The following NCBP3 variants were observed in gnomAD, a reference collection of about 807,000 sequenced individuals.
NCBP3 encodes the protein nuclear cap-binding protein subunit 3.
Under a neutral mutation model 75.7 loss-of-function variants are expected in NCBP3, and 20 were observed. That is an observed-to-expected ratio of 0.26 (90% CI 0.19 to 0.38). NCBP3 has a LOEUF of 0.38. Among genes scored for constraint, NCBP3 ranks in the 10% least tolerant of loss-of-function variants. The probability of loss-of-function intolerance (pLI) is 1.00; values close to 1 mark genes in which losing one functional copy is unlikely to be tolerated. For missense variants in NCBP3, 678 were observed against 796.9 expected (o/e 0.85, Z 1.80); for synonymous variants, 293 against 290.5 (o/e 1.01, Z -0.09).
chr17:3,842,297 C>T (rs1469349528), intron 2 of NCBP3, among the ~76,000 whole-genome samples: 11 of 152,006 alleles, frequency 7.2e-5, no homozygotes, highest in Admixed American at 2.0e-4. Flanking sequence ...TGGTGGCGGG[C>T]GCCTGTAGTC....
intron 4 of NCBP3, among the ~76,000 whole-genome samples, chr17:3,828,242 G>C (rs888990849): frequency 6.6e-6 from 1 of 152,168 alleles, no homozygotes; most frequent in Non-Finnish European, 1.5e-5. Flanking sequence ...TGTAAATAAA[G>C]TTCTACTGGA....
chr17:3,840,294 G>A, intron 2 of NCBP3, 89 bp from the exon 3 acceptor site: 1 of 1,049,754 alleles, frequency 9.5e-7, no homozygotes, highest in Admixed American at 2.1e-5. Context: ...TGACAAACCT[G>A]AACTAAAAAA....
intron 3 of NCBP3, among the ~76,000 whole-genome samples, chr17:3,832,089 C>G (rs2053887540): frequency 1.8e-5 from 2 of 113,150 alleles, no homozygotes; most frequent in African/African-American, 5.3e-5. Flanking sequence ...GAGGCTGAGG[C>G]AGGATAATCA....
At chr17:3,824,841 T>G in intron 7 of NCBP3, 101 bp downstream of exon 7, 3 of 596,452 alleles carry the variant, frequency 5.0e-6, no homozygotes, top group South Asian at 2.6e-5. Flanking sequence ...AAGGGAACTT[T>G]GAGATTACTT....
chr17:3,815,331 T>C (rs2053509747), intron 11 of NCBP3, among the ~76,000 whole-genome samples: 1 of 152,250 alleles, frequency 6.6e-6, no homozygotes, highest in Admixed American at 6.5e-5. Context: ...TGCTACTTTC[T>C]CTAAGAAGTC....
rs113117025 is a variant in NCBP3, at chr17:3,803,802, G to A, written c.*9242C>T. ...TAAAAAATGGGCAGGTGGGCCAGGC[G>A]CGGTGGCTCACGCCTGTAATCCCAG... On this transcript the variant is annotated 3_prime_UTR_variant, in exon 13 of 13. Coordinates refer to ENST00000389005, the MANE Select transcript of NCBP3 (RefSeq NM_001114118.3). 16,728 of 152,256 alleles carry A rather than the reference G, an allele frequency of 0.11. 1,008 individuals carry two copies. Among genetic ancestry groups the A allele is most frequent in the South Asian group, 0.14 (687 of 4,826 alleles). The allele number at this position is 152,256 out of a possible 1,614,324, so 9.4% of individuals were successfully genotyped here.
intron 4 of NCBP3, among the ~76,000 whole-genome samples, chr17:3,826,649 AAAAT>A (rs1461007249): frequency 1.3e-5 from 2 of 151,208 alleles, no homozygotes; most frequent in Non-Finnish European, 2.9e-5. Context: ...TGAAAAGTTA[AAAAT>A]AAATAAAAAA....
At chr17:3,815,002 G>A (rs2053502756) in intron 11 of NCBP3, among the ~76,000 whole-genome samples, 2 of 152,194 alleles carry the variant, frequency 1.3e-5, no homozygotes, top group South Asian at 4.1e-4. Context: ...CACATTCGTT[G>A]GTGAGGCCCT....
Position 3,814,458 on chromosome 17 carries a change from T to C in NCBP3, c.1491A>G (p.Arg497=), listed in dbSNP as rs2053490004. 2.5e-6 allele frequency: 4 copies of C among 1,614,190 alleles called. No homozygotes were observed. Among genetic ancestry groups the C allele is most frequent in the South Asian group, 1.1e-5 (1 of 91,082 alleles). The change falls in exon 12 of 13, where the codon AGA becomes AGG. Residue 497 remains arginine (R), a synonymous_variant. Transcript: ENST00000389005. ...KSDIRQRLGK[R]PHSPEKAFSS... is the part of the protein sequence containing the mutation. The stretch of plus-strand genomic sequence containing the variant: ...TAAAAGCCTTTTCCGGAGAATGTGG[T>C]CTTTTTCCTAACCGCTGGCGTATAT...
chr17:3,814,210 T>G, intron 12 of NCBP3, 112 bp downstream of exon 12: 3 of 1,048,116 alleles, frequency 2.9e-6, no homozygotes, highest in Admixed American at 2.3e-5. Flanking sequence ...TAATCACTTA[T>G]ATTTGGCGTG....
At position 3,832,363 on chromosome 17, in the gene NCBP3, G is replaced by A. The variant is rs1356562462; in HGVS notation, c.356-2995C>T. On this transcript the variant is annotated intron_variant, in intron 3 of 12. Coordinates refer to ENST00000389005, the MANE Select transcript of NCBP3 (RefSeq NM_001114118.3). Reference sequence around the variant, plus strand: ...AAAAAGAATTTAATGGGCAGGCGCGGTGGCTCACGCCTGTAATCCCAGCAC... The same window carrying A: ...AAAAAGAATTTAATGGGCAGGCGCGATGGCTCACGCCTGTAATCCCAGCAC... Among the ~76,000 whole-genome samples, 5 of 120,612 alleles carry A rather than the reference G, an allele frequency of 4.1e-5. 1 individual carries two copies. In the Admixed American group the frequency reaches 4.2e-4, roughly 10 times the overall value. 79.1% of individuals were successfully genotyped at this position (120,612 alleles called of 152,430 possible).
chr17:3,819,437 G>C (rs1300089902), intron 9 of NCBP3, among the ~76,000 whole-genome samples: 1 of 152,088 alleles, frequency 6.6e-6, no homozygotes, highest in Non-Finnish European at 1.5e-5. Flanking sequence ...GTGTGCGCTT[G>C]TAGTCCCAGC....
chr17:3,814,583 C>G, intron 11 of NCBP3, 100 bp from the exon 12 acceptor site: 1 of 1,229,864 alleles, frequency 8.1e-7, no homozygotes, highest in Non-Finnish European at 1.1e-6. Context: ...ACCCCTGCCC[C>G]GAGGACACAG....
intron 3 of NCBP3, among the ~76,000 whole-genome samples, chr17:3,837,954 T>C (rs2054003499): frequency 6.6e-6 from 1 of 151,928 alleles, no homozygotes; most frequent in African/African-American, 2.4e-5. Flanking sequence ...GGAATATCTT[T>C]AGAACCGTGA....
chr17:3,825,440 A>G (rs903779997), intron 6 of NCBP3, among the ~76,000 whole-genome samples: 2 of 152,248 alleles, frequency 1.3e-5, no homozygotes, highest in African/African-American at 4.8e-5. Flanking sequence ...AAATGAATGC[A>G]TGTTAATATT....
rs1348605267 is a variant in NCBP3 at position 3,826,723 on chromosome 17, G to GGAAGGAAGGAAGGAAGGAAGGAAGGA, written c.482-509_482-508insTCCTTCCTTCCTTCCTTCCTTCCTTC. Among the ~76,000 whole-genome samples, 736 of 146,436 alleles carry GGAAGGAAGGAAGGAAGGAAGGAAGGA rather than the reference G, an allele frequency of 5.0e-3. 3 individuals are homozygous for GGAAGGAAGGAAGGAAGGAAGGAAGGA. Among genetic ancestry groups the GGAAGGAAGGAAGGAAGGAAGGAAGGA allele is most frequent in the African/African-American group, 0.016 (614 of 38,478 alleles). On this transcript the variant is annotated intron_variant, in intron 4 of 12. Coordinates refer to ENST00000389005, the MANE Select transcript of NCBP3 (RefSeq NM_001114118.3). ...AGGAAGGAAGGAAGGAAGGAAGGAAGGAGAGAGAGAGATGAAAGAAAGAAA... is the reference window on the plus strand; with the variant it reads ...AGGAAGGAAGGAAGGAAGGAAGGAAGGAAGGAAGGAAGGAAGGAAGGAAGGAGAGAGAGAGAGATGAAAGAAAGAAA...
Position 3,812,360 on chromosome 17 carries a change from G to GT in NCBP3, c.*683dup. 1 of 303,554 alleles carries GT rather than the reference G, an allele frequency of 3.3e-6. No homozygotes were observed. The highest frequency in any genetic ancestry group is 4.9e-6 in the Non-Finnish European group (1 of 205,896). The allele number at this position is 303,554 out of a possible 1,614,324, so 18.8% of individuals were successfully genotyped here. Reference sequence around the variant, plus strand: ...ATCAACCCCAAATCCAGACGTCACAGTTTTTTGTTCCTAAAAATCCCACAG... The same window carrying GT: ...ATCAACCCCAAATCCAGACGTCACAGTTTTTTTGTTCCTAAAAATCCCACAG... On this transcript the variant is annotated 3_prime_UTR_variant, in exon 13 of 13. Coordinates refer to ENST00000389005, the MANE Select transcript of NCBP3 (RefSeq NM_001114118.3).
Position 3,802,470 on chromosome 17 carries a change from C to T in NCBP3, c.*10574G>A, listed in dbSNP as rs1307915381. 3.3e-5 allele frequency: 5 copies of T among 152,212 alleles called. No individual in the cohort carries two copies. Among genetic ancestry groups the T allele is most frequent in the Non-Finnish European group, 5.9e-5 (4 of 68,042 alleles). 9.4% of individuals were successfully genotyped at this position (152,212 alleles called of 1,614,324 possible). On this transcript the variant is annotated 3_prime_UTR_variant, in exon 13 of 13. Transcript: ENST00000389005. ...CTCGGTTATGTGAGATTACAATTCA[C>T]CGGTTTCCATCCTGTATGAAACAGA... is the stretch of plus-strand genomic sequence containing the variant.
rs1359449083 is a variant in NCBP3 at position 3,812,071 on chromosome 17, G to C, written c.*973C>G. The C allele has an allele frequency of 6.6e-6, 1 of 152,040 alleles. No individual in the cohort carries two copies. The highest frequency in any genetic ancestry group is 2.4e-5 in the African/African-American group (1 of 41,402). 9.4% of individuals were successfully genotyped at this position (152,040 alleles called of 1,614,324 possible). On this transcript the variant is annotated 3_prime_UTR_variant, in exon 13 of 13. Coordinates refer to ENST00000389005, the MANE Select transcript of NCBP3 (RefSeq NM_001114118.3). ...TTTTCCTACTGGAGCCAAAAAACAA[G>C]CTGAACTCTATGTACAACAGACAGA... is the stretch of plus-strand genomic sequence containing the variant.
Sources: gnomAD v4.1 joint callset for allele counts (sites outside exome capture counted in the v4.1 genomes callset) on GRCh38, gnomAD v4.1.1 for gene constraint, MANE v1.5 for transcripts, NCBI Gene and HGNC (gene_info 2026-07-23, HGNC 2026-07-21) for gene names.